MTG1: variants seen among roughly 807,000 people sequenced by gnomAD.
The protein encoded by MTG1 is mitochondrial ribosome-associated GTPase 1.
A neutral mutation model predicts 39.5 loss-of-function variants in MTG1; 30 were observed. The observed-to-expected ratio is 0.76, with a 90% CI of 0.57 to 1.03. The LOEUF (loss-of-function observed/expected upper bound fraction) is 1.03. Among genes scored for constraint, MTG1 ranks in the 50% least tolerant of loss-of-function variants. MTG1 has a pLI of 0.00. For synonymous variants in MTG1, 217 were observed against 179.0 expected (o/e 1.21, Z -1.69); for missense variants, 513 against 447.4 (o/e 1.15, Z -1.32).
At chr10:133,415,828 T>C (rs182091444) in intron 9 of MTG1, among the ~76,000 whole-genome samples, 354 of 152,228 alleles carry the variant, frequency 2.3e-3, no homozygotes, top group African/African-American at 8.3e-3. Flanking sequence ...ACCTCAGGCA[T>C]GCAGGTATCA....
chr10:133,397,519 C>G (rs1376711043), intron 3 of MTG1, among the ~76,000 whole-genome samples: 1 of 150,974 alleles, frequency 6.6e-6, no homozygotes, highest in Non-Finnish European at 1.5e-5. Context: ...TGCTCTGTCG[C>G]CCAGGCTGGA....
rs759218942 is a variant in MTG1 at position 133,402,624 on chromosome 10, G to A, written c.671-68G>A. On this transcript the variant is annotated intron_variant, in intron 8 of 10. Transcript: ENST00000317502. The surrounding 1 kb of genome is among the most constrained non-coding windows in gnomAD (Gnocchi z 4.7). ...TCTTTGGGCTAGGACTGGAAGGGAT[G>A]TGTTTGAACTTGGCAGGAACATAGA... The A allele has an allele frequency of 2.3e-5, 32 of 1,379,832 alleles. No individual in the cohort carries two copies. The highest frequency in any genetic ancestry group is 3.2e-5 in the Non-Finnish European group (32 of 994,688). The allele number at this position is 1,379,832 out of a possible 1,614,324, so 85.5% of individuals were successfully genotyped here.
intron 9 of MTG1, among the ~76,000 whole-genome samples, chr10:133,406,399 C>T (rs765415196): frequency 2.2e-4 from 33 of 152,116 alleles, no homozygotes; most frequent in Non-Finnish European, 4.1e-4. Flanking sequence ...TCAAGAGATC[C>T]TCCTGCCTCA....
chr10:133,399,836 TTC>T (rs1249618531), intron 6 of MTG1: 4 of 487,480 alleles, frequency 8.2e-6, no homozygotes, highest in Admixed American at 3.8e-5. Context: ...CACTTAATTT[TTC>T]TCTCTTTTAA....
chr10:133,397,482 TC>T (rs939613990), intron 3 of MTG1, among the ~76,000 whole-genome samples: 13 of 149,428 alleles, frequency 8.7e-5, no homozygotes, highest in African/African-American at 3.1e-4. Flanking sequence ...TGTCTTATTT[TC>T]TTTTTTTTTT....
chr10:133,410,860 CT>C (rs1357237896), intron 9 of MTG1, among the ~76,000 whole-genome samples: 1 of 152,180 alleles, frequency 6.6e-6, no homozygotes, highest in Non-Finnish European at 1.5e-5. Flanking sequence ...GAATTCTGTA[CT>C]TTAACTGCAT....
At chr10:133,394,430 G>T in intron 1 of MTG1, 98 bp downstream of exon 1, 1 of 1,338,226 alleles carries the variant, frequency 7.5e-7, no homozygotes, top group Non-Finnish European at 9.7e-7. Flanking sequence ...TCTCCCGGTC[G>T]TTCTGGGCTG....
chr10:133,415,983 C>CGGGCAGGCGGGTCTCG (rs541432761), intron 9 of MTG1, among the ~76,000 whole-genome samples: 1 of 102,574 alleles, frequency 9.7e-6, no homozygotes, highest in Admixed American at 1.1e-4. Flanking sequence ...AGGCGGGTGT[C>CGGGCAGGCGGGTCTCG]GGCACGCGGG....
At chr10:133,407,056 T>C (rs1056801211) in intron 9 of MTG1, among the ~76,000 whole-genome samples, 7 of 152,214 alleles carry the variant, frequency 4.6e-5, no homozygotes, top group South Asian at 2.1e-4. Flanking sequence ...TGGGAGAGAC[T>C]GTCCTTTCCC....
At chr10:133,418,203 C>T (rs1419016400) in intron 9 of MTG1, among the ~76,000 whole-genome samples, 1 of 152,208 alleles carries the variant, frequency 6.6e-6, no homozygotes, top group Non-Finnish European at 1.5e-5. Context: ...AGGGTTTCAC[C>T]ATATTGGTGA....
chr10:133,412,774 G>T (rs1348603921), intron 9 of MTG1, among the ~76,000 whole-genome samples: 4 of 152,074 alleles, frequency 2.6e-5, no homozygotes, highest in African/African-American at 9.7e-5. Flanking sequence ...ATCAGCTTCT[G>T]GTTTCATTGA....
intron 2 of MTG1, 60 bp from the exon 3 acceptor site, chr10:133,396,103 A>C (rs1048386726): frequency 1.3e-6 from 2 of 1,505,438 alleles, no homozygotes; most frequent in Non-Finnish European, 1.8e-6. Context: ...CACTGATGGC[A>C]AGAAAAAAAG....
rs746174503 is a variant in MTG1 at position 133,419,612 on chromosome 10, C to T, written c.865+20C>T. On this transcript the variant is annotated intron_variant, in intron 10 of 10. Transcript: ENST00000317502. ...GCACGGGTGAGTGAGGTCGCTGATG[C>T]GGGCACCGGAGCCTCACCCCATCAC... 1.6e-5 allele frequency: 25 copies of T among 1,566,832 alleles called. No individual in the cohort carries two copies. The highest frequency in any genetic ancestry group is 2.3e-5 in the East Asian group (1 of 42,900).
intron 9 of MTG1, among the ~76,000 whole-genome samples, chr10:133,410,120 A>G (rs1431207099): frequency 6.6e-6 from 1 of 152,112 alleles, no homozygotes; most frequent in East Asian, 1.9e-4. Flanking sequence ...ATCATAGCTC[A>G]CTGTAGCCTT....
At chr10:133,394,517 G>T in intron 1 of MTG1, 185 bp downstream of exon 1, 1 of 1,343,514 alleles carries the variant, frequency 7.4e-7, no homozygotes, top group Non-Finnish European at 9.5e-7. Context: ...CCCTTCCCCT[G>T]CGCAGCTGCG....
intron 9 of MTG1, among the ~76,000 whole-genome samples, chr10:133,407,333 C>T (rs1849983121): frequency 6.6e-6 from 1 of 152,122 alleles, no homozygotes; most frequent in Non-Finnish European, 1.5e-5. Flanking sequence ...TGCAGAGTGT[C>T]ATTGCTATTT....
At chr10:133,403,771 C>T (rs904447602) in intron 9 of MTG1, among the ~76,000 whole-genome samples, 5 of 150,444 alleles carry the variant, frequency 3.3e-5, no homozygotes, top group East Asian at 2.0e-4. Flanking sequence ...TCCGGGCTTT[C>T]GTTTCCCTTG....
intron 9 of MTG1, among the ~76,000 whole-genome samples, chr10:133,416,634 A>G (rs1850138250): frequency 1.4e-5 from 2 of 138,312 alleles, no homozygotes; most frequent in Admixed American, 7.8e-5. Flanking sequence ...ATTCCCACCT[A>G]TGAGTGAGAA....
Position 133,394,713 on chromosome 10 carries a change from A to G in MTG1, c.112+381A>G, listed in dbSNP as rs1429767415. On this transcript the variant is annotated intron_variant, in intron 1 of 10. Transcript: ENST00000317502. ...ATAGACTTTTCTGAGTCTTTTGGGGACTAAATGAAACAGTGGGTATGAAGG... is the reference window on the plus strand; with the variant it reads ...ATAGACTTTTCTGAGTCTTTTGGGGGCTAAATGAAACAGTGGGTATGAAGG... 3.8e-6 allele frequency: 4 copies of G among 1,045,492 alleles called. No individual in the cohort carries two copies. The African/African-American group carries it at 6.8e-5, about 18-fold the overall frequency. 64.8% of individuals were successfully genotyped at this position (1,045,492 alleles called of 1,614,324 possible). A position where few individuals can be genotyped will look rare whatever the true frequency, so the allele number is the denominator to read the frequency against.
Sources: gnomAD v4.1 joint callset for allele counts (sites outside exome capture counted in the v4.1 genomes callset) on GRCh38, gnomAD v4.1.1 for gene constraint, Gnocchi (gnomAD v3.1) non-coding constraint, MANE v1.5 for transcripts, NCBI Gene and HGNC (gene_info 2026-07-23, HGNC 2026-07-21) for gene names.